ZBTB20: variants seen among roughly 807,000 people sequenced by gnomAD.
ZBTB20 encodes zinc finger and BTB domain containing 20.
ZBTB20 carries 9 observed loss-of-function variants against 56.9 expected under a neutral mutation model. The observed-to-expected ratio is 0.16, with a 90% confidence interval of 0.10 to 0.28. ZBTB20 has a LOEUF of 0.28. ZBTB20 is among the 10% of genes least tolerant of loss of function. The probability of loss-of-function intolerance (pLI) is 1.00; values close to 1 mark genes in which losing one functional copy is unlikely to be tolerated. For synonymous variants in ZBTB20, 417 were observed against 420.7 expected (o/e 0.99, Z 0.11); for missense variants, 655 against 1,003.0 (o/e 0.65, Z 4.69).
At chr3:115,089,892 C>T (rs1423612537) in intron 1 of ZBTB20, among the ~76,000 whole-genome samples, 1 of 151,768 alleles carries the variant, frequency 6.6e-6, no homozygotes, top group East Asian at 1.9e-4. Context: ...GCAGTATCAA[C>T]TCTGGCCTCC....
intron 5 of ZBTB20, among the ~76,000 whole-genome samples, chr3:114,775,628 G>A (rs1028022412): frequency 6.6e-6 from 1 of 151,700 alleles, no homozygotes; most frequent in Non-Finnish European, 1.5e-5. Flanking sequence ...GGCTGCACAC[G>A]GAGCCCTTTG....
intron 6 of ZBTB20, among the ~76,000 whole-genome samples, chr3:114,655,266 G>C (rs903309070): frequency 2.3e-5 from 1 of 42,850 alleles, no homozygotes; most frequent in Non-Finnish European, 3.5e-5. Flanking sequence ...TTTTTTTTGA[G>C]ACGGAGTCTC....
intron 1 of ZBTB20, among the ~76,000 whole-genome samples, chr3:115,078,301 A>C (rs2082666601): frequency 6.6e-6 from 1 of 152,184 alleles, no homozygotes; most frequent in South Asian, 2.1e-4. Context: ...ATATGAAGCT[A>C]TGGAGGAATA....
At chr3:115,077,245 G>A (rs1158346581) in intron 1 of ZBTB20, among the ~76,000 whole-genome samples, 3 of 152,098 alleles carry the variant, frequency 2.0e-5, no homozygotes, top group African/African-American at 4.8e-5. Context: ...AATTTGCTAA[G>A]GTCTGAATAT....
chr3:114,453,093 TC>T (rs2091742051), intron 7 of ZBTB20, among the ~76,000 whole-genome samples: 3 of 152,214 alleles, frequency 2.0e-5, no homozygotes, highest in African/African-American at 7.2e-5. Context: ...ACATCTGATT[TC>T]TTTTTGCTTT....
At chr3:115,095,917 T>C (rs2108589270) in intron 1 of ZBTB20, among the ~76,000 whole-genome samples, 1 of 152,336 alleles carries the variant, frequency 6.6e-6, no homozygotes, top group Non-Finnish European at 1.5e-5. Context: ...ACATTAGCTA[T>C]AGTTCCTGGA....
chr3:114,804,314 TCTA>T (rs1203819363), intron 4 of ZBTB20, among the ~76,000 whole-genome samples: 1 of 151,976 alleles, frequency 6.6e-6, no homozygotes, highest in Non-Finnish European at 1.5e-5. Context: ...CTGACCACAT[TCTA>T]CTTTCTAAAA....
chr3:114,855,353 T>A (rs1045096271), intron 4 of ZBTB20, among the ~76,000 whole-genome samples: 4 of 152,202 alleles, frequency 2.6e-5, no homozygotes, highest in Non-Finnish European at 5.9e-5. Context: ...ATATATCCCA[T>A]GTTACCAGGA....
chr3:114,754,418 G>T (rs2067843533), intron 5 of ZBTB20, among the ~76,000 whole-genome samples: 1 of 152,130 alleles, frequency 6.6e-6, no homozygotes, highest in Admixed American at 6.6e-5. Flanking sequence ...GTGGGGAGGA[G>T]GAAGACCCTA....
chr3:114,954,549 A>G (rs1576414603), intron 3 of ZBTB20, among the ~76,000 whole-genome samples: 1 of 152,160 alleles, frequency 6.6e-6, no homozygotes, highest in Non-Finnish European at 1.5e-5. Flanking sequence ...ACATGGTACT[A>G]TGGTATGGAT....
At chr3:114,816,977 GAAGTA>G (rs2072960663) in intron 4 of ZBTB20, among the ~76,000 whole-genome samples, 1 of 152,072 alleles carries the variant, frequency 6.6e-6, no homozygotes, top group Admixed American at 6.5e-5. Context: ...AAAAATTGCA[GAAGTA>G]AATATATTAT....
chr3:114,973,012 T>C (rs2077951349), intron 3 of ZBTB20, among the ~76,000 whole-genome samples: 2 of 152,206 alleles, frequency 1.3e-5, no homozygotes, highest in South Asian at 4.1e-4. Context: ...ATTAGAAGTA[T>C]ATTTCTAACT....
intron 6 of ZBTB20, among the ~76,000 whole-genome samples, chr3:114,573,149 G>A (rs1169385376): frequency 6.6e-6 from 1 of 152,042 alleles, no homozygotes; most frequent in African/African-American, 2.4e-5. Flanking sequence ...AGAAATGACT[G>A]AAGAAAATGA....
At chr3:114,873,291 G>C (rs1343772154) in intron 4 of ZBTB20, 1 of 152,010 alleles carries the variant, frequency 6.6e-6, no homozygotes, top group African/African-American at 2.4e-5. Flanking sequence ...AAAAAAATCA[G>C]GTGCTCAAAT....
In ZBTB20 at chr3:114,319,013, G is replaced by T. The variant is rs2078795801; in HGVS notation, c.*19992C>A. 1 of 152,116 alleles carries T rather than the reference G, an allele frequency of 6.6e-6. No homozygotes were observed. The highest frequency in any genetic ancestry group is 2.1e-4 in the South Asian group (1 of 4,820). The allele number at this position is 152,116 out of a possible 1,614,324, so 9.4% of individuals were successfully genotyped here. ...CTCATCTGAAACAAAATAAACAGCA[G>T]TGGGTACAAACTTCTTCTTGTAACA... is the stretch of plus-strand genomic sequence containing the variant. On this transcript the variant is annotated 3_prime_UTR_variant, in exon 12 of 12. Coordinates refer to ENST00000675478, the MANE Select transcript of ZBTB20 (RefSeq NM_001348800.3).
chr3:114,798,120 G>A (rs192527659), intron 5 of ZBTB20, among the ~76,000 whole-genome samples: 24 of 151,714 alleles, frequency 1.6e-4, no homozygotes, highest in Middle Eastern at 6.8e-3. Flanking sequence ...GACACCATGC[G>A]TCGTACACAC....
At chr3:114,810,876 A>G (rs1414362219) in intron 4 of ZBTB20, among the ~76,000 whole-genome samples, 1 of 152,152 alleles carries the variant, frequency 6.6e-6, no homozygotes, top group East Asian at 1.9e-4. Context: ...AAAATCTTCA[A>G]CTGCCCCTCC....
chr3:114,416,577 G>A (rs1010129403), intron 7 of ZBTB20, among the ~76,000 whole-genome samples: 29 of 152,112 alleles, frequency 1.9e-4, no homozygotes, highest in African/African-American at 6.5e-4. Context: ...TGCTGACAGA[G>A]CTTCTCTTAG....
chr3:115,098,807 T>C (rs2083472827), intron 1 of ZBTB20, among the ~76,000 whole-genome samples: 1 of 152,160 alleles, frequency 6.6e-6, no homozygotes, highest in Non-Finnish European at 1.5e-5. Context: ...TATGGACTTC[T>C]TTGTGTTGTC....
Sources: gnomAD v4.1 joint callset for allele counts (sites outside exome capture counted in the v4.1 genomes callset) on GRCh38, gnomAD v4.1.1 for gene constraint, MANE v1.5 for transcripts, NCBI Gene and HGNC (gene_info 2026-07-23, HGNC 2026-07-21) for gene names.